SPAG6: variants seen among roughly 807,000 people sequenced by gnomAD.
SPAG6 encodes the protein sperm associated antigen 6.
SPAG6 carries 49 observed loss-of-function variants against 58.5 expected under a neutral mutation model. That is an observed-to-expected ratio of 0.84 (90% CI 0.67 to 1.06). SPAG6 has a LOEUF of 1.06. SPAG6 is among the 50% of genes least tolerant of loss of function. The pLI is 0.00. For missense variants in SPAG6, 560 were observed against 611.3 expected, an observed-to-expected ratio of 0.92 and a Z score of 0.89; for synonymous variants, 233 against 225.6, an observed-to-expected ratio of 1.03 and a Z score of -0.29.
intron 2 of SPAG6, among the ~76,000 whole-genome samples, chr10:22,357,900 C>T (rs1836912891): frequency 6.6e-6 from 1 of 152,034 alleles, no homozygotes; most frequent in Non-Finnish European, 1.5e-5. Context: ...CATGTCCCTA[C>T]AAAGGACCTG....
chr10:22,389,848 G>A (rs1297816316), intron 7 of SPAG6, among the ~76,000 whole-genome samples: 1 of 152,054 alleles, frequency 6.6e-6, no homozygotes, highest in Non-Finnish European at 1.5e-5. Context: ...CTTGCTCTAG[G>A]GCTTTTGCTT....
At chr10:22,402,499 A>G (rs576370802) in intron 9 of SPAG6, among the ~76,000 whole-genome samples, 2 of 152,200 alleles carry the variant, frequency 1.3e-5, no homozygotes, top group African/African-American at 4.8e-5. Flanking sequence ...AGTTCTCTCA[A>G]CTCTGTTCAT....
Position 22,345,877 on chromosome 10 carries a change from C to G in SPAG6, c.121+59C>G. On this transcript the variant is annotated intron_variant, in intron 2 of 10. Coordinates refer to ENST00000376624, the MANE Select transcript of SPAG6 (RefSeq NM_012443.4). This position sits in a 1 kb window ranked among gnomAD's most constrained non-coding sequence, Gnocchi z 6.3. ...GCGCACTGAGTCCCCGACGCCTCCG[C>G]CCCGCTGCCCTGCCCGTGGAGCTCT... 6.3e-7 allele frequency: 1 copy of G among 1,581,664 alleles called. No individual in the cohort carries two copies. The highest frequency in any genetic ancestry group is 8.6e-7 in the Non-Finnish European group (1 of 1,164,304).
intron 4 of SPAG6, among the ~76,000 whole-genome samples, chr10:22,386,372 A>G (rs1181137274): frequency 6.6e-6 from 1 of 152,062 alleles, no homozygotes; most frequent in East Asian, 1.9e-4. Flanking sequence ...TGGTTGGTAA[A>G]TTTTTGGTAC....
Position 22,389,222 on chromosome 10 carries a change from C to A in SPAG6, c.915C>A (p.Cys305Ter). 6.2e-7 allele frequency: 1 copy of A among 1,613,328 alleles called. No homozygotes were observed. Among genetic ancestry groups the A allele is most frequent in the South Asian group, 1.1e-5 (1 of 91,052 alleles). ...VAAVIDCIGS[C>*]KGNTRLPGIM... is the part of the protein sequence containing the mutation. ...CCGTGATTGACTGCATTGGGTCCTG[C>A]AAAGGGAACACACGGCTGCCTGGCA... is the stretch of plus-strand genomic sequence containing the variant. Residue 305 changes from cysteine (C) to a stop codon, truncating the protein, a stop_gained, in exon 7 of 11, where the codon TGC becomes TGA. Transcript: ENST00000376624. LOFTEE classifies it high-confidence loss of function.
intron 10 of SPAG6, chr10:22,412,504 G>C (rs946550178): frequency 1.9e-5 from 29 of 1,517,578 alleles, no homozygotes; most frequent in Non-Finnish European, 2.4e-5. Flanking sequence ...AGAACTCCTT[G>C]ACCAAAAGAG....
chr10:22,387,358 A>G (rs1483427932), intron 5 of SPAG6, among the ~76,000 whole-genome samples: 1 of 152,178 alleles, frequency 6.6e-6, no homozygotes, highest in Non-Finnish European at 1.5e-5. Context: ...ATAGTCACCA[A>G]TTATACTTTT....
Position 22,411,060 on chromosome 10 carries a change from A to G in SPAG6, c.1344A>G (p.Arg448=). ...TGCCGCATGATAGCAAAGCTCGACGACTTTTTGTAACAAGTGGTGGCCTTA... is the reference window on the plus strand; with the variant it reads ...TGCCGCATGATAGCAAAGCTCGACGGCTTTTTGTAACAAGTGGTGGCCTTA... ...KVLPHDSKAR[R]LFVTSGGLKK... Residue 448 remains arginine (R), a synonymous_variant, in exon 10 of 11, where the codon CGA becomes CGG. Coordinates refer to ENST00000376624, the MANE Select transcript of SPAG6 (RefSeq NM_012443.4). 6.2e-7 allele frequency: 1 copy of G among 1,614,124 alleles called. No homozygotes were observed. The highest frequency in any genetic ancestry group is 1.1e-5 in the South Asian group (1 of 91,044).
chr10:22,393,230 G>A (rs1834221648), intron 8 of SPAG6, among the ~76,000 whole-genome samples: 1 of 151,912 alleles, frequency 6.6e-6, no homozygotes, highest in Non-Finnish European at 1.5e-5. Flanking sequence ...TATCATTGTT[G>A]TTTTTCTCCT....
At chr10:22,403,360 C>T (rs578117308) in intron 9 of SPAG6, among the ~76,000 whole-genome samples, 1 of 152,096 alleles carries the variant, frequency 6.6e-6, no homozygotes, top group African/African-American at 2.4e-5. Flanking sequence ...GTTCAATTCC[C>T]ACCTATGAGT....
intron 3 of SPAG6, among the ~76,000 whole-genome samples, chr10:22,365,721 C>T (rs1342152078): frequency 6.6e-6 from 1 of 151,752 alleles, no homozygotes; most frequent in African/African-American, 2.4e-5. Flanking sequence ...ATTTGTGTAA[C>T]AAAAAGACAA....
intron 8 of SPAG6, among the ~76,000 whole-genome samples, chr10:22,396,380 G>A (rs902256667): frequency 6.6e-6 from 1 of 152,130 alleles, no homozygotes; most frequent in Admixed American, 6.5e-5. Flanking sequence ...TCTTGCTGCT[G>A]CCATGTAAGA....
intron 2 of SPAG6, among the ~76,000 whole-genome samples, chr10:22,356,443 A>C (rs369053274): frequency 1.3e-5 from 2 of 152,356 alleles, no homozygotes; most frequent in African/African-American, 4.8e-5. Context: ...TAAGTGGGGC[A>C]AACAGTAAAG....
chr10:22,371,928 G>T (rs1362926525), intron 4 of SPAG6, among the ~76,000 whole-genome samples: 4 of 151,808 alleles, frequency 2.6e-5, no homozygotes, highest in Non-Finnish European at 4.4e-5. Context: ...TTTTCCAACT[G>T]TGTACAAATC....
At chr10:22,408,877 T>C (rs11817811) in intron 9 of SPAG6, among the ~76,000 whole-genome samples, 25,654 of 151,574 alleles carry the variant, frequency 0.17, 6,456 homozygotes, top group African/African-American at 0.55. Context: ...GCACAGTATT[T>C]GGGTGGGAGT....
intron 4 of SPAG6, among the ~76,000 whole-genome samples, chr10:22,373,825 A>G (rs1361004570): frequency 2.0e-5 from 3 of 152,030 alleles, no homozygotes; most frequent in Admixed American, 6.6e-5. Context: ...ATTTATTTTG[A>G]CCCTAGCACT....
chr10:22,400,929 GT>G (rs1834396290), intron 8 of SPAG6, among the ~76,000 whole-genome samples: 1 of 152,076 alleles, frequency 6.6e-6, no homozygotes, highest in Non-Finnish European at 1.5e-5. Context: ...TAAGAGCTCA[GT>G]AATACACTTT....
At chr10:22,370,160 T>C (rs1833650343) in intron 4 of SPAG6, among the ~76,000 whole-genome samples, 1 of 152,170 alleles carries the variant, frequency 6.6e-6, no homozygotes, top group African/African-American at 2.4e-5. Context: ...AATGTAAACA[T>C]AAGTTTTTAT....
intron 9 of SPAG6, among the ~76,000 whole-genome samples, chr10:22,408,543 G>A (rs959492762): frequency 6.7e-6 from 1 of 149,384 alleles, no homozygotes; most frequent in African/African-American, 2.5e-5. Context: ...CTTCAAAGCT[G>A]TCAGACAGGG....
Sources: allele counts gnomAD v4.1 joint callset (sites outside exome capture counted in the v4.1 genomes callset), GRCh38; gene constraint gnomAD v4.1.1; non-coding constraint Gnocchi (gnomAD v3.1); transcripts MANE v1.5; gene names NCBI Gene and HGNC (gene_info 2026-07-23, HGNC 2026-07-21).